Variants in LIMCH1 observed in about 807,000 individuals in gnomAD.
The protein encoded by LIMCH1 is LIM and calponin homology domains-containing protein 1.
In LIMCH1, 113 loss-of-function variants were observed where a neutral mutation model predicts 176.5. The observed-to-expected ratio is 0.64, with a 90% CI of 0.55 to 0.75. The LOEUF is 0.75. Ranked by LOEUF, LIMCH1 falls within the 30% of genes least tolerant of loss-of-function variation. LIMCH1 has a pLI of 0.00. For synonymous variants in LIMCH1, 619 were observed against 645.9 expected, an observed-to-expected ratio of 0.96 and a Z score of 0.63; for missense variants, 1,674 against 1,814.9, an observed-to-expected ratio of 0.92 and a Z score of 1.41.
chr4:41,470,193 C>G (rs960453046), intron 1 of LIMCH1, among the ~76,000 whole-genome samples: 1 of 152,166 alleles, frequency 6.6e-6, no homozygotes, highest in African/African-American at 2.4e-5. Flanking sequence ...CCTCCAACAC[C>G]ATTCTTCTTT....
intron 1 of LIMCH1, among the ~76,000 whole-genome samples, chr4:41,556,472 G>A (rs2081289580): frequency 6.6e-6 from 1 of 151,722 alleles, no homozygotes; most frequent in Non-Finnish European, 1.5e-5. Context: ...AAGGTCCCTG[G>A]TTCTACCTTT....
chr4:41,695,718 C>G (rs1221366370), intron 31 of LIMCH1, among the ~76,000 whole-genome samples: 1 of 152,002 alleles, frequency 6.6e-6, no homozygotes, highest in Non-Finnish European at 1.5e-5. Flanking sequence ...TATCTTTAGG[C>G]TAATTTCAAT....
rs537829062 is a variant in LIMCH1, at chr4:41,415,556, A to T, written c.96+54620A>T. ...AGGAGTCTGAAACCCAGCCTTGCCC[A>T]TACAGCTGTCGTCTGCTTTAGGAGA... On this transcript the variant is annotated intron_variant, in intron 1 of 26. Transcript: ENST00000313860. Among the ~76,000 whole-genome samples the T allele has an allele frequency of 1.1e-4, 16 of 152,304 alleles. No homozygotes were observed. The South Asian group carries it at 1.7e-3, about 16-fold the overall frequency.
At chr4:41,609,840 A>G (rs898252930) in intron 4 of LIMCH1, among the ~76,000 whole-genome samples, 2 of 152,216 alleles carry the variant, frequency 1.3e-5, no homozygotes, top group African/African-American at 2.4e-5. Context: ...GTTGGTTTAT[A>G]TCTTCTGCTC....
intron 1 of LIMCH1, among the ~76,000 whole-genome samples, chr4:41,481,418 C>T (rs765681361): frequency 5.3e-5 from 8 of 152,164 alleles, no homozygotes; most frequent in Non-Finnish European, 1.2e-4. Context: ...TTGAGCAAGT[C>T]ACCTGATTTC....
At position 41,599,474 on chromosome 4, in the gene LIMCH1, C is replaced by T. The variant is rs551496336; in HGVS notation, c.-134+448C>T. Among the ~76,000 whole-genome samples, 35 of 152,350 alleles carry T rather than the reference C, an allele frequency of 2.3e-4. No individual in the cohort carries two copies. The South Asian group carries it at 7.2e-3, about 32-fold the overall frequency. The stretch of plus-strand genomic sequence containing the variant: ...TCATTTACATGTGTAACTGTCTTCT[C>T]ATATGTGTCAGTGATCAAGTTCTTT... On this transcript the variant is annotated intron_variant, in intron 2 of 31. Transcript: ENST00000503057.
At chr4:41,440,739 G>A (rs1024521994) in intron 1 of LIMCH1, among the ~76,000 whole-genome samples, 1 of 152,052 alleles carries the variant, frequency 6.6e-6, no homozygotes, top group Non-Finnish European at 1.5e-5. Context: ...TGCCATGTTG[G>A]CCAACCTGGT....
chr4:41,654,417 G>A (rs577692430), intron 18 of LIMCH1, among the ~76,000 whole-genome samples: 1 of 152,290 alleles, frequency 6.6e-6, no homozygotes, highest in African/African-American at 2.4e-5. Context: ...GCATGTTTAA[G>A]GTAGGTTAGG....
At chr4:41,538,946 C>G (rs2152466631) in intron 1 of LIMCH1, among the ~76,000 whole-genome samples, 1 of 152,238 alleles carries the variant, frequency 6.6e-6, no homozygotes, top group Middle Eastern at 3.4e-3. Context: ...TTCATAGTCA[C>G]TATTTACTGC....
rs374952041 is a variant in LIMCH1 at position 41,613,029 on chromosome 4, T to C, written c.10-437T>C. Reference sequence around the variant, plus strand: ...CAGATAGTATAAACAGGAGCAAAAGTTGCACAGCTAAACCAGGGGCTCATT... The same window carrying C: ...CAGATAGTATAAACAGGAGCAAAAGCTGCACAGCTAAACCAGGGGCTCATT... On this transcript the variant is annotated intron_variant, in intron 4 of 31. Coordinates refer to ENST00000503057, the MANE Select transcript of LIMCH1 (RefSeq NM_001330672.2). 85 of 1,552,030 alleles carry C rather than the reference T, an allele frequency of 5.5e-5. No individual in the cohort carries two copies. The African/African-American group carries it at 1.1e-3, about 19-fold the overall frequency.
chr4:41,488,140 T>TTTCAGAA (rs2070053281), intron 1 of LIMCH1, among the ~76,000 whole-genome samples: 1 of 152,194 alleles, frequency 6.6e-6, no homozygotes, highest in Non-Finnish European at 1.5e-5. Context: ...CTAAACTTTG[T>TTTCAGAA]TGGGCTGTCA....
intron 1 of LIMCH1, among the ~76,000 whole-genome samples, chr4:41,423,196 A>G (rs377023432): frequency 6.6e-6 from 1 of 152,210 alleles, no homozygotes; most frequent in South Asian, 2.1e-4. Flanking sequence ...TCCGTATGAT[A>G]TGGAGAAGTA....
At chr4:41,691,383 G>GAAATTC (rs1219859642) in intron 30 of LIMCH1, among the ~76,000 whole-genome samples, 1 of 151,986 alleles carries the variant, frequency 6.6e-6, no homozygotes, top group African/African-American at 2.4e-5. Flanking sequence ...TCTGCACTCA[G>GAAATTC]CCTGTGTTGG....
intron 1 of LIMCH1, among the ~76,000 whole-genome samples, chr4:41,593,632 G>C (rs2088096791): frequency 6.6e-6 from 1 of 152,210 alleles, no homozygotes; most frequent in South Asian, 2.1e-4. Context: ...ATGGTATGGT[G>C]AATAAGCGAA....
intron 1 of LIMCH1, among the ~76,000 whole-genome samples, chr4:41,467,203 A>ACT (rs2066281566): frequency 1.4e-5 from 2 of 141,686 alleles, no homozygotes; most frequent in South Asian, 4.5e-4. Flanking sequence ...ACACACACAC[A>ACT]CATTTTATTT....
At chr4:41,492,698 T>C (rs1005637761) in intron 1 of LIMCH1, among the ~76,000 whole-genome samples, 1 of 152,200 alleles carries the variant, frequency 6.6e-6, no homozygotes, top group Non-Finnish European at 1.5e-5. Context: ...CTGTCAATTA[T>C]TGAAGAGAGA....
At chr4:41,653,397 G>A (rs894957025) in intron 18 of LIMCH1, among the ~76,000 whole-genome samples, 1 of 151,874 alleles carries the variant, frequency 6.6e-6, no homozygotes, top group Non-Finnish European at 1.5e-5. Flanking sequence ...CTTAGAACAG[G>A]AGGCTGCACT....
chr4:41,675,525 G>A (rs2095188638), intron 22 of LIMCH1, among the ~76,000 whole-genome samples: 1 of 149,198 alleles, frequency 6.7e-6, no homozygotes, highest in Non-Finnish European at 1.5e-5. Flanking sequence ...TCAGAACAAA[G>A]GGAAGGGAGG....
intron 4 of LIMCH1, chr4:41,612,487 A>T (rs1248965871): frequency 4.3e-6 from 3 of 701,420 alleles, no homozygotes; most frequent in Non-Finnish European, 7.8e-6. Flanking sequence ...AGTCTGGATG[A>T]TATTAAATTG....
Sources: gnomAD v4.1 joint callset for allele counts (sites outside exome capture counted in the v4.1 genomes callset) on GRCh38, gnomAD v4.1.1 for gene constraint, MANE v1.5 for transcripts, NCBI Gene and HGNC (gene_info 2026-07-23, HGNC 2026-07-21) for gene names.